The following NIBAN1 variants were observed in gnomAD, a reference collection of about 807,000 sequenced individuals.
The protein encoded by NIBAN1 is protein Niban 1.
Under a neutral mutation model 75.1 loss-of-function variants are expected in NIBAN1, and 81 were observed. That is an observed-to-expected ratio of 1.08 (90% CI 0.90 to 1.30). The LOEUF is 1.30. NIBAN1 is among the 50% of genes most tolerant of loss of function. NIBAN1 has a pLI of 0.00. For missense variants in NIBAN1, 1,133 were observed against 1,128.1 expected (o/e 1.00, Z -0.06); for synonymous variants, 436 against 424.8 (o/e 1.03, Z -0.32).
chr1:184,868,307 C>T (rs1185540715), intron 5 of NIBAN1: 1 of 152,170 alleles, frequency 6.6e-6, no homozygotes, highest in African/African-American at 2.4e-5. Context: ...CCCTCAGCAA[C>T]AGCCAGTATG....
chr1:184,842,088 C>T (rs1414191564), intron 5 of NIBAN1, among the ~76,000 whole-genome samples: 1 of 152,178 alleles, frequency 6.6e-6, no homozygotes, highest in African/African-American at 2.4e-5. Context: ...AGAAGGGGTG[C>T]TGGTTTAAAT....
intron 10 of NIBAN1, 85 bp downstream of exon 10, chr1:184,807,989 A>G (rs781651721): frequency 1.3e-6 from 2 of 1,483,608 alleles, no homozygotes; most frequent in Non-Finnish European, 1.9e-6. Context: ...CCTGAGCTAC[A>G]CTAGCAGCTG....
intron 9 of NIBAN1, among the ~76,000 whole-genome samples, chr1:184,815,313 C>A (rs546780090): frequency 1.2e-4 from 18 of 152,300 alleles, no homozygotes; most frequent in African/African-American, 4.1e-4. Flanking sequence ...ATTAGATCTT[C>A]TGAAAACATC....
intron 1 of NIBAN1, among the ~76,000 whole-genome samples, chr1:184,906,062 A>C (rs1657093772): frequency 6.7e-6 from 1 of 150,248 alleles, no homozygotes; most frequent in Admixed American, 6.7e-5. Flanking sequence ...ACATAGAGAG[A>C]CCTTGACTCT....
At chr1:184,964,163 G>A (rs1658719391) in intron 1 of NIBAN1, among the ~76,000 whole-genome samples, 1 of 152,114 alleles carries the variant, frequency 6.6e-6, no homozygotes, top group Admixed American at 6.5e-5. Flanking sequence ...TGAGAATCCT[G>A]TAAGTGTTTA....
intron 5 of NIBAN1, among the ~76,000 whole-genome samples, chr1:184,857,233 G>A (rs1194523852): frequency 6.6e-6 from 1 of 152,132 alleles, no homozygotes; most frequent in Non-Finnish European, 1.5e-5. Flanking sequence ...ATTGTGTAAG[G>A]CAAGACACCA....
intron 5 of NIBAN1, among the ~76,000 whole-genome samples, chr1:184,878,910 T>A (rs760263412): frequency 7.2e-5 from 11 of 151,930 alleles, no homozygotes; most frequent in Non-Finnish European, 1.6e-4. Context: ...AAATTTAGAG[T>A]TTCATGGACC....
chr1:184,934,867 C>T (rs1657914283), intron 1 of NIBAN1, among the ~76,000 whole-genome samples: 1 of 151,426 alleles, frequency 6.6e-6, no homozygotes, highest in South Asian at 2.1e-4. Context: ...TGCACTCCAG[C>T]ATGGGAGACA....
chr1:184,804,909 C>T (rs949817367), intron 11 of NIBAN1, among the ~76,000 whole-genome samples: 1 of 152,060 alleles, frequency 6.6e-6, no homozygotes, highest in Admixed American at 6.6e-5. Flanking sequence ...CTGTCTCAGC[C>T]TCCCGAGTAG....
chr1:184,955,975 C>G (rs1658480101), intron 1 of NIBAN1, among the ~76,000 whole-genome samples: 1 of 151,928 alleles, frequency 6.6e-6, no homozygotes, highest in African/African-American at 2.4e-5. Context: ...GTCTTTGTGG[C>G]CCTAAGAATC....
chr1:184,795,044 T>A lies in NIBAN1; in HGVS notation c.2720A>T (p.His907Leu), dbSNP rs548736617. 4 of 1,613,898 alleles carry A rather than the reference T, an allele frequency of 2.5e-6. No individual in the cohort carries two copies. The highest frequency in any genetic ancestry group is 1.3e-5 in the African/African-American group (1 of 75,060). Residue 907 changes from histidine (H) to leucine (L), a missense_variant, in exon 14 of 14, where the codon CAC becomes CTC. By Grantham distance (99) the His-to-Leu change is moderately conservative (BLOSUM62 -3). Coordinates refer to ENST00000367511, the MANE Select transcript of NIBAN1 (RefSeq NM_052966.4). Reference protein sequence around the residue: ...DAPNPDVLLSHKDDVKEGEGG... With the variant: ...DAPNPDVLLSLKDDVKEGEGG... Reference sequence around the variant, plus strand: ...TTCTCCCTCCTTCACGTCATCTTTGTGTGACAGCAGGACATCCGGGTTTGG... The same window carrying A: ...TTCTCCCTCCTTCACGTCATCTTTGAGTGACAGCAGGACATCCGGGTTTGG...
At position 184,851,630 on chromosome 1, in the gene NIBAN1, AAAAAAAAAAAAATT is replaced by A. The variant is rs1047489769; in HGVS notation, c.602-19682_602-19669del. Reference sequence around the variant, plus strand: ...GTACCCTAAAACTTAGAGTATAATAAAAAAAAAAAAAATTAAAAAAAAAAATTTTAAAAAGAACC... The same window carrying A: ...GTACCCTAAAACTTAGAGTATAATAAAAAAAAAAAAATTTTAAAAAGAACC... On this transcript the variant is annotated intron_variant, in intron 5 of 13. Coordinates refer to ENST00000367511, the MANE Select transcript of NIBAN1 (RefSeq NM_052966.4). 4.3e-4 allele frequency among the ~76,000 whole-genome samples: 3 copies of A among 6,958 alleles called. 1 individual carries two copies. Among genetic ancestry groups the A allele is most frequent in the Non-Finnish European group, 8.3e-4 (3 of 3,636 alleles). The allele number at this position is 6,958 out of a possible 152,430, so 4.6% of individuals were successfully genotyped here. A position where few individuals can be genotyped will look rare whatever the true frequency, so the allele number is the denominator to read the frequency against.
intron 1 of NIBAN1, among the ~76,000 whole-genome samples, chr1:184,938,520 T>C (rs1658016027): frequency 6.6e-6 from 1 of 152,182 alleles, no homozygotes; most frequent in Admixed American, 6.5e-5. Context: ...TTTTCTTCTT[T>C]GTAATCAAGT....
intron 1 of NIBAN1, among the ~76,000 whole-genome samples, chr1:184,946,941 T>C (rs1487095892): frequency 6.6e-6 from 1 of 151,892 alleles, no homozygotes; most frequent in Non-Finnish European, 1.5e-5. Context: ...GGCGTGGTGG[T>C]GCATGCCTAT....
At chr1:184,832,820 G>A (rs1018655501) in intron 5 of NIBAN1, among the ~76,000 whole-genome samples, 1 of 152,128 alleles carries the variant, frequency 6.6e-6, no homozygotes, top group South Asian at 2.1e-4. Flanking sequence ...TGGGCTGAAC[G>A]GCCTTCTCAG....
At chr1:184,839,424 C>T (rs1246272970) in intron 5 of NIBAN1, among the ~76,000 whole-genome samples, 1 of 152,128 alleles carries the variant, frequency 6.6e-6, no homozygotes, top group Non-Finnish European at 1.5e-5. Context: ...ATACACCCTT[C>T]ACTCGGGTTT....
At chr1:184,916,975 T>C (rs994226896) in intron 1 of NIBAN1, among the ~76,000 whole-genome samples, 1 of 152,140 alleles carries the variant, frequency 6.6e-6, no homozygotes, top group Non-Finnish European at 1.5e-5. Context: ...TATCTTTGAT[T>C]TTCCTATCCC....
chr1:184,797,149 T>C lies in NIBAN1; in HGVS notation c.1666+930A>G, dbSNP rs892406732. Among the ~76,000 whole-genome samples the C allele has an allele frequency of 6.2e-4, 94 of 151,172 alleles. 1 individual carries two copies. The East Asian group carries it at 0.017, about 28-fold the overall frequency. ...TGGCCTTCTCCAGCTTTTTTTTTTTTTTTTTTTTGAGACCGAGTCTCACTC... is the reference window on the plus strand; with the variant it reads ...TGGCCTTCTCCAGCTTTTTTTTTTTCTTTTTTTTGAGACCGAGTCTCACTC... On this transcript the variant is annotated intron_variant, in intron 13 of 13. Transcript: ENST00000367511.
intron 1 of NIBAN1, among the ~76,000 whole-genome samples, chr1:184,944,555 TG>T (rs1422380866): frequency 1.3e-5 from 2 of 152,234 alleles, no homozygotes; most frequent in Non-Finnish European, 2.9e-5. Flanking sequence ...GAATGGACTT[TG>T]GGTAGGGTTG....
Sources: gnomAD v4.1 joint callset for allele counts (sites outside exome capture counted in the v4.1 genomes callset) on GRCh38, gnomAD v4.1.1 for gene constraint, MANE v1.5 for transcripts, NCBI Gene and HGNC (gene_info 2026-07-23, HGNC 2026-07-21) for gene names.